ZNF503: variants seen among roughly 807,000 people sequenced by gnomAD.
ZNF503 encodes NocA-like zinc finger 2.
ZNF503 carries 15 observed loss-of-function variants against 34.4 expected under a neutral mutation model. The ratio of observed to expected loss-of-function variants is 0.44; its 90% CI spans 0.29 to 0.67. The LOEUF (loss-of-function observed/expected upper bound fraction) is 0.67. Ranked by LOEUF, ZNF503 falls within the 30% of genes least tolerant of loss-of-function variation. The pLI is 0.13. For synonymous variants in ZNF503, 580 were observed against 456.8 expected, an observed-to-expected ratio of 1.27 and a Z score of -3.44; for missense variants, 1,007 against 926.8, an observed-to-expected ratio of 1.09 and a Z score of -1.12.
At chr10:75,342,209 G>C in the ZNF503 span, among the ~76,000 whole-genome samples, 1 of 152,096 alleles carries the variant, frequency 6.6e-6, no homozygotes, top group Non-Finnish European at 1.5e-5. Context: ...CTACTATCAA[G>C]TCATCAGAGG....
chr10:75,282,958 A>G, the ZNF503 span, among the ~76,000 whole-genome samples: 1 of 152,350 alleles, frequency 6.6e-6, no homozygotes, highest in African/African-American at 2.4e-5. Context: ...GGTTGCCTAC[A>G]TGTTCAATGT....
At chr10:75,371,901 T>A in the ZNF503 span, among the ~76,000 whole-genome samples, 1 of 152,150 alleles carries the variant, frequency 6.6e-6, no homozygotes, top group Non-Finnish European at 1.5e-5. Context: ...CCTCATTCAG[T>A]CTATCTTTCA....
At chr10:75,329,415 T>TTCCTTCC in the ZNF503 span, among the ~76,000 whole-genome samples, 197 of 90,442 alleles carry the variant, frequency 2.2e-3, 1 homozygote, top group African/African-American at 8.2e-3. Flanking sequence ...CCTTCCTTCC[T>TTCCTTCC]TTCCTTCCTT....
the ZNF503 span, among the ~76,000 whole-genome samples, chr10:75,376,653 AAAAC>A: frequency 6.6e-6 from 1 of 151,990 alleles, no homozygotes; most frequent in African/African-American, 2.4e-5. Flanking sequence ...AAAAAAAACA[AAAAC>A]AAAAACAAAA....
At chr10:75,344,603 G>A in the ZNF503 span, among the ~76,000 whole-genome samples, 48 of 152,316 alleles carry the variant, frequency 3.2e-4, no homozygotes, top group African/African-American at 1.1e-3. Context: ...GAGAACTGTA[G>A]TGACACCAGC....
At chr10:75,311,566 G>GT in the ZNF503 span, among the ~76,000 whole-genome samples, 1 of 151,112 alleles carries the variant, frequency 6.6e-6, no homozygotes, top group South Asian at 2.1e-4. Flanking sequence ...TGGGCACAGT[G>GT]TAATCCCAGC....
chr10:75,387,515 C>T, the ZNF503 span, among the ~76,000 whole-genome samples: 3 of 152,214 alleles, frequency 2.0e-5, no homozygotes, highest in Non-Finnish European at 4.4e-5. Flanking sequence ...AAATAAAGTG[C>T]TCACTAAATG....
the ZNF503 span, among the ~76,000 whole-genome samples, chr10:75,328,055 T>A: frequency 1.3e-5 from 2 of 152,216 alleles, no homozygotes; most frequent in African/African-American, 4.8e-5. Context: ...AAGTTGTCTC[T>A]TCACTCTGTT....
the ZNF503 span, among the ~76,000 whole-genome samples, chr10:75,321,539 C>A: frequency 5.9e-5 from 9 of 152,132 alleles, no homozygotes; most frequent in Admixed American, 2.0e-4. Context: ...GTGCTATAGA[C>A]AATGAAGTCC....
At chr10:75,297,467 G>C in the ZNF503 span, among the ~76,000 whole-genome samples, 7 of 152,202 alleles carry the variant, frequency 4.6e-5, no homozygotes, top group East Asian at 1.3e-3. Flanking sequence ...CCTTCTGGAG[G>C]TGTATTTGTG....
the ZNF503 span, among the ~76,000 whole-genome samples, chr10:75,294,115 G>A: frequency 2.6e-5 from 4 of 152,240 alleles, no homozygotes; most frequent in African/African-American, 9.6e-5. Flanking sequence ...GAGCTAAGAG[G>A]TTACCAGCGT....
the ZNF503 span, among the ~76,000 whole-genome samples, chr10:75,383,732 G>GC: frequency 1.3e-5 from 2 of 152,194 alleles, no homozygotes; most frequent in Admixed American, 1.3e-4. Context: ...TCATTGATCA[G>GC]CCATTCACTG....
At chr10:75,351,706 T>A in the ZNF503 span, among the ~76,000 whole-genome samples, 1 of 152,162 alleles carries the variant, frequency 6.6e-6, no homozygotes, top group Admixed American at 6.5e-5. Flanking sequence ...TTACTCTTTA[T>A]TCCTCATCTT....
chr10:75,382,495 A>C, the ZNF503 span: 34 of 732,196 alleles, frequency 4.6e-5, no homozygotes, highest in South Asian at 4.9e-4. Context: ...TTTTGACAGC[A>C]GCAACCTCTT....
chr10:75,316,291 G>C, the ZNF503 span, among the ~76,000 whole-genome samples: 70 of 151,686 alleles, frequency 4.6e-4, no homozygotes, highest in Non-Finnish European at 8.7e-4. Context: ...AGTGCACATG[G>C]AGCATTCTCC....
the ZNF503 span, among the ~76,000 whole-genome samples, chr10:75,368,202 A>G: frequency 6.6e-6 from 1 of 152,128 alleles, no homozygotes; most frequent in African/African-American, 2.4e-5. Flanking sequence ...TGCATCAACA[A>G]TACAGGGGAG....
chr10:75,282,990 G>C, the ZNF503 span, among the ~76,000 whole-genome samples: 2 of 152,324 alleles, frequency 1.3e-5, no homozygotes, highest in East Asian at 3.9e-4. Context: ...TTCTTACCAG[G>C]AGAAGATTTG....
At chr10:75,370,566 G>A in the ZNF503 span, among the ~76,000 whole-genome samples, 1 of 151,804 alleles carries the variant, frequency 6.6e-6, no homozygotes, top group Non-Finnish European at 1.5e-5. Context: ...GGATCATGAG[G>A]TCAGGAGTTT....
the ZNF503 span, chr10:75,382,699 T>C: frequency 5.8e-6 from 2 of 347,324 alleles, no homozygotes; most frequent in South Asian, 5.3e-5. Flanking sequence ...TTTTCTCTCT[T>C]TTCTCTGGAA....
Sources: gnomAD v4.1 joint callset for allele counts (sites outside exome capture counted in the v4.1 genomes callset) on GRCh38, gnomAD v4.1.1 for gene constraint, MANE v1.5 for transcripts, NCBI Gene and HGNC (gene_info 2026-07-23, HGNC 2026-07-21) for gene names.